Variants in LDAF1 observed in about 807,000 individuals in gnomAD.
The protein encoded by LDAF1 is lipid droplet assembly factor 1, also known as PROMETHIN.
In LDAF1, 7 loss-of-function variants were observed where a neutral mutation model predicts 13.5. That is an observed-to-expected ratio of 0.52 (90% confidence interval 0.29 to 0.97). The LOEUF (loss-of-function observed/expected upper bound fraction) is 0.97. Among genes scored for constraint, LDAF1 ranks in the 50% least tolerant of loss-of-function variants. The pLI, the probability that LDAF1 is intolerant of heterozygous loss-of-function variation, is 0.07. For synonymous variants in LDAF1, 69 were observed against 77.1 expected, an observed-to-expected ratio of 0.89 and a Z score of 0.55; for missense variants, 148 against 193.2, an observed-to-expected ratio of 0.77 and a Z score of 1.39.
At chr16:21,171,011 T>C (rs1426659447) in intron 3 of LDAF1, among the ~76,000 whole-genome samples, 8 of 152,222 alleles carry the variant, frequency 5.3e-5, no homozygotes, top group Non-Finnish European at 7.3e-5. Flanking sequence ...TTGAAACTTA[T>C]GGCTCCATAA....
At position 21,161,294 on chromosome 16, in the gene LDAF1, C is replaced by T. The variant is rs755684363; in HGVS notation, c.96+16C>T. On this transcript the variant is annotated intron_variant, in intron 2 of 4. Coordinates refer to ENST00000233047, the MANE Select transcript of LDAF1 (RefSeq NM_001301771.2). ...TAACTCAAAGGTCAGTTTCCAATCA[C>T]TATGTATAATGGAAAATCCCAATAT... The T allele has an allele frequency of 6.2e-6, 10 of 1,612,404 alleles. No homozygotes were observed. The highest frequency in any genetic ancestry group is 6.8e-6 in the Non-Finnish European group (8 of 1,179,524).
chr16:21,166,848 A>G (rs748302585), intron 2 of LDAF1: 2 of 1,535,712 alleles, frequency 1.3e-6, no homozygotes, highest in South Asian at 1.2e-5. Context: ...AGCTGCCCCA[A>G]CACAGCAGGA....
In LDAF1 at chr16:21,159,586, T is replaced by TC. The variant is rs990368623; in HGVS notation, c.-99+845dup. 4.4e-5 allele frequency: 35 copies of TC among 796,482 alleles called. No homozygotes were observed. In the African/African-American group the frequency reaches 5.4e-4, roughly 12 times the overall value. 49.3% of individuals were successfully genotyped at this position (796,482 alleles called of 1,614,324 possible). On this transcript the variant is annotated intron_variant, in intron 1 of 4. Transcript: ENST00000233047. ...GTTAGCTGGTGTTGGCCTGGCCCAG[T>TC]CCCCCAGGCGTGAAGAAGGCGGGGC...
chr16:21,165,930 G>T (rs1196782135), intron 2 of LDAF1, among the ~76,000 whole-genome samples: 1 of 152,036 alleles, frequency 6.6e-6, no homozygotes, highest in East Asian at 1.9e-4. Context: ...CGTGATCTCG[G>T]CTCACTGCAA....
At chr16:21,178,765 A>G (rs1255793845) in intron 4 of LDAF1, 1 of 152,294 alleles carries the variant, frequency 6.6e-6, no homozygotes, top group Non-Finnish European at 1.5e-5. Context: ...ACTTTGTCAG[A>G]TGGCCGCTGG....
At position 21,163,024 on chromosome 16, in the gene LDAF1, A is replaced by G. The variant is rs779083041; in HGVS notation, c.96+1746A>G. ...GACATGTTAATATATATTGTTGATC[A>G]TTAACGTTGAACTCAGGGCCAACAA... On this transcript the variant is annotated intron_variant, in intron 2 of 4. Transcript: ENST00000233047. Among the ~76,000 whole-genome samples, 92 of 152,254 alleles carry G rather than the reference A, an allele frequency of 6.0e-4. 3 individuals are homozygous for G. Among genetic ancestry groups the G allele is most frequent in the South Asian group, 2.1e-4 (1 of 4,832 alleles).
intron 1 of LDAF1, 81 bp from the exon 2 acceptor site, chr16:21,161,004 T>C (rs926420832): frequency 2.2e-6 from 3 of 1,358,762 alleles, no homozygotes; most frequent in African/African-American, 1.5e-5. Flanking sequence ...ATGCCCACCA[T>C]CAAGGTATGA....
intron 3 of LDAF1, among the ~76,000 whole-genome samples, chr16:21,170,939 T>A (rs2093082277): frequency 6.6e-6 from 1 of 152,234 alleles, no homozygotes; most frequent in Non-Finnish European, 1.5e-5. Flanking sequence ...TCTCTGAGCC[T>A]TAAATTCTTA....
intron 2 of LDAF1, 39 bp downstream of exon 2, chr16:21,161,317 T>C (rs1208086294): frequency 1.9e-6 from 3 of 1,603,140 alleles, no homozygotes; most frequent in Admixed American, 3.5e-5. Context: ...AAAATCCCAA[T>C]ATAACACTAG....
At position 21,167,882 on chromosome 16, in the gene LDAF1, C is replaced by T. The variant is rs1304649341; in HGVS notation, c.97-2555C>T. On this transcript the variant is annotated intron_variant, in intron 2 of 4. Transcript: ENST00000233047. ...CTTAGCTGGGCGTGGTGGGGGCGCC[C>T]GTAATCCCAGCTACTCGGGAGGCTG... Among the ~76,000 whole-genome samples, 5 of 148,850 alleles carry T rather than the reference C, an allele frequency of 3.4e-5. 1 individual carries two copies. The South Asian group carries it at 1.1e-3, about 31-fold the overall frequency.
intron 1 of LDAF1, among the ~76,000 whole-genome samples, chr16:21,160,772 CATT>C (rs1008394184): frequency 2.6e-5 from 4 of 152,094 alleles, no homozygotes; most frequent in African/African-American, 9.7e-5. Context: ...CTGAATTTAT[CATT>C]ATTTAACCAA....
intron 4 of LDAF1, among the ~76,000 whole-genome samples, chr16:21,175,504 T>C (rs1040285497): frequency 1.3e-4 from 20 of 152,240 alleles, no homozygotes; most frequent in Non-Finnish European, 2.5e-4. Flanking sequence ...CTGGAATTTC[T>C]GGAAAGGGCC....
chr16:21,179,748 A>G lies in LDAF1; in HGVS notation c.*192A>G, dbSNP rs2093167316. 1 of 554,474 alleles carries G rather than the reference A, an allele frequency of 1.8e-6. No homozygotes were observed. The highest frequency in any genetic ancestry group is 3.2e-6 in the Non-Finnish European group (1 of 312,052). The allele number at this position is 554,474 out of a possible 1,614,324, so 34.3% of individuals were successfully genotyped here. On this transcript the variant is annotated 3_prime_UTR_variant, in exon 5 of 5. Transcript: ENST00000233047. ...GTTGTTCTTGTGTTGGTTCCCATGT[A>G]AAGAAGCAGCAGAGAAATGCGATGG... is the stretch of plus-strand genomic sequence containing the variant.
chr16:21,179,604 C>T lies in LDAF1; in HGVS notation c.*48C>T, dbSNP rs894820389. On this transcript the variant is annotated 3_prime_UTR_variant, in exon 5 of 5. Transcript: ENST00000233047. ...TCTTTTCAAGTACTGCTGGATCATA[C>T]TCACCCCTTGGGATTATGGCTTAGA... 21 of 1,539,834 alleles carry T rather than the reference C, an allele frequency of 1.4e-5. No homozygotes were observed. The highest frequency in any genetic ancestry group is 1.8e-5 in the Non-Finnish European group (20 of 1,117,924).
In LDAF1 at chr16:21,170,540, G is replaced by C; in HGVS notation, c.200G>C (p.Gly67Ala). The C allele has an allele frequency of 6.2e-7, 1 of 1,614,166 alleles. No individual in the cohort carries two copies. Among genetic ancestry groups the C allele is most frequent in the South Asian group, 1.1e-5 (1 of 91,086 alleles). ...VFIVMSAVPV[G>A]FFLLIVVLTT... ...ATTGTCATGTCGGCCGTTCCTGTTG[G>C]ATTCTTCCTGCTCATCGTGGTGCTT... is the stretch of plus-strand genomic sequence containing the variant. Residue 67 changes from glycine (G) to alanine (A), a missense_variant, in exon 3 of 5, where the codon GGA becomes GCA. Transcript: ENST00000233047.
chr16:21,159,791 G>T (rs1231749953), intron 1 of LDAF1: 2 of 419,206 alleles, frequency 4.8e-6, no homozygotes, highest in East Asian at 3.2e-4. Context: ...TCCCCAAACC[G>T]GTCTGGGTGG....
In LDAF1 at chr16:21,167,697, T is replaced by TTTTTTTTTTG. The variant is rs1555584384; in HGVS notation, c.97-2731_97-2730insGTTTTTTTTT. ...TTCTGAGTCCAAGACCTTAGGTTTG[T>TTTTTTTTTTG]TTTTTTTTTTTTGAAAAGGAGACTT... On this transcript the variant is annotated intron_variant, in intron 2 of 4. Transcript: ENST00000233047. 1.7e-4 allele frequency among the ~76,000 whole-genome samples: 4 copies of TTTTTTTTTTG among 23,758 alleles called. 1 individual carries two copies. The highest frequency in any genetic ancestry group is 4.5e-4 in the African/African-American group (3 of 6,690). 15.6% of individuals were successfully genotyped at this position (23,758 alleles called of 152,430 possible). A position where few individuals can be genotyped will look rare whatever the true frequency, so the allele number is the denominator to read the frequency against.
chr16:21,178,518 G>A (rs2093158831), intron 4 of LDAF1: 1 of 419,812 alleles, frequency 2.4e-6, no homozygotes, highest in Non-Finnish European at 3.2e-6. Flanking sequence ...CCCAGGGCTG[G>A]TGCAGCCAGT....
intron 4 of LDAF1, chr16:21,178,047 A>G (rs2093155062): frequency 1.5e-5 from 4 of 262,530 alleles, no homozygotes; most frequent in Non-Finnish European, 1.8e-5. Context: ...CCTAAAACAT[A>G]AAAGATAATA....
Sources: gnomAD v4.1 joint callset for allele counts (sites outside exome capture counted in the v4.1 genomes callset) on GRCh38, gnomAD v4.1.1 for gene constraint, MANE v1.5 for transcripts, NCBI Gene and HGNC (gene_info 2026-07-23, HGNC 2026-07-21) for gene names.